Variants in COL13A1 observed in about 807,000 individuals in gnomAD.
The protein encoded by COL13A1 is collagen type XIII alpha 1 chain, also known as collagen alpha-1(XIII) chain.
COL13A1 carries 89 observed loss-of-function variants against 130.9 expected under a neutral mutation model. That is an observed-to-expected ratio of 0.68 (90% CI 0.57 to 0.81). The LOEUF is 0.81. Among genes scored for constraint, COL13A1 ranks in the 30% least tolerant of loss-of-function variants. COL13A1 has a pLI of 0.00. For synonymous variants in COL13A1, 402 were observed against 341.6 expected, an observed-to-expected ratio of 1.18 and a Z score of -1.95; for missense variants, 879 against 934.6, an observed-to-expected ratio of 0.94 and a Z score of 0.78.
chr10:69,921,519 C>T (rs1339033563), intron 21 of COL13A1, among the ~76,000 whole-genome samples: 1 of 152,200 alleles, frequency 6.6e-6, no homozygotes, highest in Non-Finnish European at 1.5e-5. Context: ...ATTGCTTGCC[C>T]AACCACTGGC....
chr10:69,915,490 A>C (rs2063819921), intron 17 of COL13A1, among the ~76,000 whole-genome samples: 1 of 152,226 alleles, frequency 6.6e-6, no homozygotes, highest in Admixed American at 6.5e-5. Context: ...AAGAGGATAA[A>C]AGTGAAGCCA....
chr10:69,901,914 C>T (rs750503826), intron 14 of COL13A1, among the ~76,000 whole-genome samples: 42 of 152,186 alleles, frequency 2.8e-4, no homozygotes, highest in Non-Finnish European at 4.1e-4. Flanking sequence ...AGCCTCCCCA[C>T]GCAGCATAAA....
intron 17 of COL13A1, among the ~76,000 whole-genome samples, chr10:69,909,500 A>G (rs1390140164): frequency 6.6e-6 from 1 of 152,216 alleles, no homozygotes; most frequent in Admixed American, 6.5e-5. Context: ...CCAACAGCCC[A>G]TGGCTGGTCT....
At chr10:69,916,569 TGTCA>T (rs2063945411) in intron 17 of COL13A1, among the ~76,000 whole-genome samples, 2 of 152,200 alleles carry the variant, frequency 1.3e-5, no homozygotes, top group African/African-American at 4.8e-5. Flanking sequence ...CTCACCTTAC[TGTCA>T]TAGACTTGGC....
Position 69,918,283 on chromosome 10 carries a change from AG to A in COL13A1, c.970del, listed in dbSNP as rs750937632. 1.2e-6 allele frequency: 2 copies of A among 1,610,490 alleles called. No individual in the cohort carries two copies. The highest frequency in any genetic ancestry group is 1.7e-6 in the Non-Finnish European group (2 of 1,178,342). On this transcript the variant is annotated splice_acceptor_variant, in intron 18 of 40. Coordinates refer to ENST00000645393, the MANE Select transcript of COL13A1 (RefSeq NM_001368882.1). LOFTEE classifies it high-confidence loss of function. ...AGACCTTTTTTTTTCTCTCTCTGCC[AG>A]GGGGCGCCCGGAATTGCCGTGGCTG...
chr10:69,825,213 A>G (rs1847181010), intron 2 of COL13A1, among the ~76,000 whole-genome samples: 1 of 152,180 alleles, frequency 6.6e-6, no homozygotes, highest in Non-Finnish European at 1.5e-5. Flanking sequence ...CAGTTCTAAC[A>G]CTCTGGAATG....
chr10:69,942,374 C>T (rs1442185724), intron 35 of COL13A1, among the ~76,000 whole-genome samples: 7 of 152,200 alleles, frequency 4.6e-5, no homozygotes, highest in Non-Finnish European at 1.0e-4. Context: ...CCCTCCCTCT[C>T]CATCCTTCCC....
Position 69,872,449 on chromosome 10 carries a change from G to A in COL13A1, c.399+239G>A, listed in dbSNP as rs41314992. On this transcript the variant is annotated intron_variant, in intron 4 of 40. Transcript: ENST00000645393. ...CAGCCCTTGGTGTGCCTTTGCCCCA[G>A]GCAGACAAATTACAGCATGCAGATC... 0.05 allele frequency among the ~76,000 whole-genome samples: 7,574 copies of A among 152,296 alleles called. 247 individuals carry two copies. The highest frequency in any genetic ancestry group is 0.12 in the East Asian group (613 of 5,182).
chr10:69,827,993 T>C (rs1000550374), intron 2 of COL13A1, among the ~76,000 whole-genome samples: 1 of 152,224 alleles, frequency 6.6e-6, no homozygotes, highest in African/African-American at 2.4e-5. Context: ...CCTTTGTTTC[T>C]ATCAATGAAG....
At chr10:69,946,276 C>T (rs985751405) in intron 37 of COL13A1, among the ~76,000 whole-genome samples, 1 of 152,230 alleles carries the variant, frequency 6.6e-6, no homozygotes, top group Admixed American at 6.5e-5. Flanking sequence ...GATGTAGCCC[C>T]TCCCACTGTG....
At position 69,905,818 on chromosome 10, in the gene COL13A1, G is replaced by T. The variant is rs369087232; in HGVS notation, c.917G>T (p.Arg306Leu). 6.2e-7 allele frequency: 1 copy of T among 1,613,594 alleles called. No homozygotes were observed. Reference protein sequence around the residue: ...GDPGIQGYHGRKGERGMPGMP... With the variant: ...GDPGIQGYHGLKGERGMPGMP... ...CCAGGGATCCAGGGCTACCACGGCC[G>T]GAAGGTAAGATGGAGGGGGAGGACC... is the stretch of plus-strand genomic sequence containing the variant. Residue 306 changes from arginine (R) to leucine (L), a missense_variant, in exon 17 of 41, where the codon CGG becomes CTG. By Grantham distance (102) the Arg-to-Leu change is moderately radical. Coordinates refer to ENST00000645393, the MANE Select transcript of COL13A1 (RefSeq NM_001368882.1).
chr10:69,863,140 T>C (rs1444234587), intron 2 of COL13A1, among the ~76,000 whole-genome samples: 3 of 152,130 alleles, frequency 2.0e-5, no homozygotes, highest in Admixed American at 1.3e-4. Context: ...GATTCACACG[T>C]GGACTAGATG....
At chr10:69,887,840 T>C (rs2060750313) in intron 8 of COL13A1, among the ~76,000 whole-genome samples, 4 of 152,124 alleles carry the variant, frequency 2.6e-5, no homozygotes, top group Admixed American at 2.6e-4. Context: ...GCCTGAGCTT[T>C]GAGAGGAGAT....
chr10:69,914,748 G>C lies in COL13A1; in HGVS notation c.922-2541G>C, dbSNP rs778401338. Among the ~76,000 whole-genome samples the C allele has an allele frequency of 2.6e-5, 4 of 152,156 alleles. No individual in the cohort carries two copies. In the East Asian group the frequency reaches 7.7e-4, roughly 29 times the overall value. On this transcript the variant is annotated intron_variant, in intron 17 of 40. Transcript: ENST00000645393. ...GGACCCTCCAAAGGAAAGAATGACA[G>C]GAGCCCTCAGCTGGTACTACTGAGA...
At chr10:69,860,098 G>T (rs1407684530) in intron 2 of COL13A1, among the ~76,000 whole-genome samples, 2 of 152,202 alleles carry the variant, frequency 1.3e-5, no homozygotes, top group African/African-American at 2.4e-5. Context: ...TACCTGGTGG[G>T]CAGCGTGGGG....
At chr10:69,839,106 G>A (rs1402823898) in intron 2 of COL13A1, among the ~76,000 whole-genome samples, 2 of 152,224 alleles carry the variant, frequency 1.3e-5, no homozygotes, top group Non-Finnish European at 2.9e-5. Context: ...ATCTGGATGT[G>A]TCAGCTATGG....
At chr10:69,826,753 G>T (rs1847597338) in intron 2 of COL13A1, among the ~76,000 whole-genome samples, 1 of 152,194 alleles carries the variant, frequency 6.6e-6, no homozygotes, top group East Asian at 1.9e-4. Flanking sequence ...CTTAGACAAG[G>T]TGGAGGTGGA....
At chr10:69,805,762 G>A (rs1347211337) in intron 1 of COL13A1, among the ~76,000 whole-genome samples, 1 of 152,208 alleles carries the variant, frequency 6.6e-6, no homozygotes, top group African/African-American at 2.4e-5. Context: ...TCCCAGGTCT[G>A]AGCAAAGGTC....
rs2060107241 is a variant in COL13A1 at position 69,881,213 on chromosome 10, A to G, written c.513+660A>G. Among the ~76,000 whole-genome samples the G allele has an allele frequency of 2.0e-5, 3 of 152,202 alleles. No homozygotes were observed. In the South Asian group the frequency reaches 6.2e-4, roughly 31 times the overall value. On this transcript the variant is annotated intron_variant, in intron 7 of 40. Transcript: ENST00000645393. Reference sequence around the variant, plus strand: ...GAGCCCTGAACCACGGGGCTTTAATAAAATCACCACACGTCAGGGTGGAAA... The same window carrying G: ...GAGCCCTGAACCACGGGGCTTTAATGAAATCACCACACGTCAGGGTGGAAA...
Sources: gnomAD v4.1 joint callset for allele counts (sites outside exome capture counted in the v4.1 genomes callset) on GRCh38, gnomAD v4.1.1 for gene constraint, MANE v1.5 for transcripts, NCBI Gene and HGNC (gene_info 2026-07-23, HGNC 2026-07-21) for gene names.